The following FMN2 variants were observed in gnomAD, a reference collection of about 807,000 sequenced individuals.
FMN2 encodes the protein formin 2, also known as formin-2.
In FMN2, 51 loss-of-function variants were observed where a neutral mutation model predicts 142.3. That is an observed-to-expected ratio of 0.36 (90% confidence interval 0.29 to 0.45). FMN2 has a LOEUF of 0.45. FMN2 is among the 20% of genes least tolerant of loss of function. The pLI, the probability that FMN2 is intolerant of heterozygous loss-of-function variation, is 1.00. For synonymous variants in FMN2, 882 were observed against 869.8 expected (o/e 1.01, Z -0.25); for missense variants, 1,936 against 2,122.8 (o/e 0.91, Z 1.73).
intron 1 of FMN2, among the ~76,000 whole-genome samples, chr1:240,107,904 A>G (rs1380484934): frequency 6.6e-6 from 1 of 152,186 alleles, no homozygotes; most frequent in Non-Finnish European, 1.5e-5. Flanking sequence ...ATCTTTTAAT[A>G]CCCTTCTCAA....
chr1:240,167,604 G>A (rs1664530182), intron 2 of FMN2, among the ~76,000 whole-genome samples: 1 of 152,030 alleles, frequency 6.6e-6, no homozygotes. Flanking sequence ...GATGCTTTGG[G>A]CAATCACATT....
intron 15 of FMN2, among the ~76,000 whole-genome samples, chr1:240,397,236 G>A (rs189288181): frequency 2.2e-4 from 33 of 152,180 alleles, no homozygotes; most frequent in Admixed American, 2.2e-3. Context: ...ATGTTTGTTG[G>A]CCACTTACAT....
At chr1:240,448,272 A>G (rs1675893946) in intron 16 of FMN2, among the ~76,000 whole-genome samples, 1 of 152,184 alleles carries the variant, frequency 6.6e-6, no homozygotes, top group Non-Finnish European at 1.5e-5. Flanking sequence ...CTCTGTAGTG[A>G]TGAAACAGGC....
At chr1:240,407,665 G>T (rs565247807) in intron 15 of FMN2, among the ~76,000 whole-genome samples, 2 of 152,232 alleles carry the variant, frequency 1.3e-5, no homozygotes, top group East Asian at 3.9e-4. Flanking sequence ...AATAAATGCA[G>T]ATTTGTTCCC....
At chr1:240,131,877 G>A (rs1287154039) in intron 2 of FMN2, among the ~76,000 whole-genome samples, 1 of 152,192 alleles carries the variant, frequency 6.6e-6, no homozygotes, top group Non-Finnish European at 1.5e-5. Flanking sequence ...GAATAATTTT[G>A]AGTAGTTAAG....
At position 240,093,374 on chromosome 1, in the gene FMN2, C is replaced by G; in HGVS notation, c.1265C>G (p.Thr422Ser). The G allele has an allele frequency of 1.2e-6, 2 of 1,613,294 alleles. No individual in the cohort carries two copies. Among genetic ancestry groups the G allele is most frequent in the South Asian group, 2.2e-5 (2 of 90,994 alleles). ...ATCACCCCCTGCTACATCAAGACCA[C>G]CACCCGGCAGCTCAGCTCGCCCAAT... ...PLITPCYIKT[T>S]TRQLSSPNHS... The change falls in exon 1 of 18, where the codon ACC becomes AGC. Residue 422 changes from threonine (T) to serine (S), a missense_variant. This residue lies in a region of FMN2 where 751 missense variants were observed against 791.8 expected (regional missense o/e 0.95). Transcript: ENST00000319653.
chr1:240,262,736 CA>C (rs1286491997), intron 7 of FMN2, among the ~76,000 whole-genome samples: 1 of 146,060 alleles, frequency 6.8e-6, no homozygotes, highest in African/African-American at 2.5e-5. Context: ...GCCTGGATAA[CA>C]AATGTAAAGT....
At chr1:240,344,203 C>T (rs1198726951) in intron 13 of FMN2, among the ~76,000 whole-genome samples, 1 of 152,164 alleles carries the variant, frequency 6.6e-6, no homozygotes, top group African/African-American at 2.4e-5. Flanking sequence ...AGGAGGGAGA[C>T]AGAGGAGCTG....
At chr1:240,424,244 ATG>A (rs1674862975) in intron 15 of FMN2, among the ~76,000 whole-genome samples, 3 of 152,216 alleles carry the variant, frequency 2.0e-5, no homozygotes, top group Admixed American at 1.3e-4. Context: ...TCCATCTTTT[ATG>A]TGATTCCAGG....
chr1:240,460,677 T>C (rs932477682), intron 16 of FMN2, among the ~76,000 whole-genome samples: 1 of 151,076 alleles, frequency 6.6e-6, no homozygotes, highest in African/African-American at 2.4e-5. Context: ...AATGTATATA[T>C]AATATGCATT....
intron 4 of FMN2, among the ~76,000 whole-genome samples, chr1:240,197,990 A>G (rs1012305731): frequency 1.3e-5 from 2 of 152,118 alleles, no homozygotes; most frequent in Non-Finnish European, 2.9e-5. Context: ...TCTTGAAAAA[A>G]CAAACACCAA....
chr1:240,380,378 C>T (rs1054329214), intron 14 of FMN2, among the ~76,000 whole-genome samples: 1 of 152,080 alleles, frequency 6.6e-6, no homozygotes, highest in Non-Finnish European at 1.5e-5. Context: ...CTTGCTCCTA[C>T]AAAACCTTTG....
chr1:240,444,143 A>T (rs755371078), intron 16 of FMN2, among the ~76,000 whole-genome samples: 31 of 152,326 alleles, frequency 2.0e-4, no homozygotes, highest in Admixed American at 7.2e-4. Context: ...CTATATAACC[A>T]TGTGAAGCTA....
intron 2 of FMN2, among the ~76,000 whole-genome samples, chr1:240,171,613 TG>T (rs1331103695): frequency 6.6e-6 from 1 of 152,222 alleles, no homozygotes; most frequent in Non-Finnish European, 1.5e-5. Context: ...TATTTTAAGG[TG>T]GGAACCAAAC....
chr1:240,259,410 G>T (rs901276737), intron 7 of FMN2, among the ~76,000 whole-genome samples: 1 of 151,796 alleles, frequency 6.6e-6, no homozygotes, highest in African/African-American at 2.4e-5. Context: ...TAGTTGAAGG[G>T]TCATACAGAA....
chr1:240,253,608 T>G (rs888682405), intron 6 of FMN2, among the ~76,000 whole-genome samples: 2 of 152,244 alleles, frequency 1.3e-5, no homozygotes, highest in Admixed American at 1.3e-4. Flanking sequence ...GTCTTTTTCA[T>G]TGGAATTTGT....
At chr1:240,206,504 C>T (rs1558359555) in intron 4 of FMN2, among the ~76,000 whole-genome samples, 1 of 152,188 alleles carries the variant, frequency 6.6e-6, no homozygotes, top group East Asian at 1.9e-4. Context: ...TAGAAATAAA[C>T]TGGTTTATCA....
At chr1:240,231,644 A>C (rs1667529079) in intron 6 of FMN2, among the ~76,000 whole-genome samples, 1 of 152,188 alleles carries the variant, frequency 6.6e-6, no homozygotes, top group South Asian at 2.1e-4. Flanking sequence ...TACAGTGGTG[A>C]CTTGAAATAA....
intron 6 of FMN2, 34 bp downstream of exon 6, chr1:240,211,269 T>A (rs1171491240): frequency 6.3e-7 from 1 of 1,598,944 alleles, no homozygotes; most frequent in Non-Finnish European, 8.5e-7. Flanking sequence ...AATTGGACAG[T>A]GTTTCTGGCA....
Sources: gnomAD v4.1 joint callset for allele counts (sites outside exome capture counted in the v4.1 genomes callset) on GRCh38, gnomAD v4.1.1 for gene constraint, gnomAD v4.1.1 regional missense constraint, MANE v1.5 for transcripts, NCBI Gene and HGNC (gene_info 2026-07-23, HGNC 2026-07-21) for gene names.